The following ITPR1 variants were observed in gnomAD, a reference collection of about 807,000 sequenced individuals.
ITPR1 encodes the protein inositol 1,4,5-trisphosphate-gated calcium channel ITPR1.
In ITPR1, 96 loss-of-function variants were observed where a neutral mutation model predicts 318.4. The observed-to-expected ratio is 0.30, with a 90% CI of 0.26 to 0.36. The LOEUF (loss-of-function observed/expected upper bound fraction) is 0.36. ITPR1 is among the 10% of genes least tolerant of loss of function. The probability of loss-of-function intolerance (pLI) is 1.00; values close to 1 mark genes in which losing one functional copy is unlikely to be tolerated. For missense variants in ITPR1, 2,440 were observed against 3,460.2 expected, an observed-to-expected ratio of 0.71 and a Z score of 7.40; for synonymous variants, 1,312 against 1,289.9, an observed-to-expected ratio of 1.02 and a Z score of -0.37.
At chr3:4,768,372 G>A (rs2045954489) in intron 45 of ITPR1, 139 bp from the exon 46 acceptor site, 7 of 982,186 alleles carry the variant, frequency 7.1e-6, no homozygotes, top group Non-Finnish European at 1.0e-5. Context: ...AGAGCAGATT[G>A]TGACTTCTTT....
intron 10 of ITPR1, among the ~76,000 whole-genome samples, chr3:4,650,710 G>A (rs549692017): frequency 6.6e-6 from 1 of 151,210 alleles, no homozygotes; most frequent in Non-Finnish European, 1.5e-5. Context: ...GAATCTATGG[G>A]TATGTGTCAA....
At chr3:4,532,133 C>A (rs2083464918) in intron 4 of ITPR1, among the ~76,000 whole-genome samples, 1 of 152,182 alleles carries the variant, frequency 6.6e-6, no homozygotes, top group Admixed American at 6.5e-5. Flanking sequence ...AGCCCTTCCC[C>A]CCTATTGCAT....
intron 5 of ITPR1, among the ~76,000 whole-genome samples, chr3:4,635,629 G>T (rs1246072509): frequency 6.6e-6 from 1 of 152,120 alleles, no homozygotes; most frequent in Non-Finnish European, 1.5e-5. Context: ...ACAGGCATGA[G>T]CCACTGCGCC....
intron 29 of ITPR1, among the ~76,000 whole-genome samples, 157 bp from the exon 30 acceptor site, chr3:4,684,912 G>T (rs1343422087): frequency 6.6e-6 from 1 of 152,220 alleles, no homozygotes; most frequent in Non-Finnish European, 1.5e-5. Flanking sequence ...GATTTGGCTT[G>T]ATGGAGTCAA....
intron 18 of ITPR1, among the ~76,000 whole-genome samples, chr3:4,669,102 G>A (rs1234609695): frequency 1.3e-5 from 2 of 152,182 alleles, no homozygotes; most frequent in African/African-American, 2.4e-5. Context: ...GCATTTTCTG[G>A]AGCCTGCTCA....
intron 52 of ITPR1, among the ~76,000 whole-genome samples, chr3:4,794,693 C>T (rs748400487): frequency 1.1e-4 from 16 of 152,148 alleles, no homozygotes; most frequent in South Asian, 6.2e-4. Flanking sequence ...CTCCGGGCAT[C>T]TCATCTGGTC....
intron 59 of ITPR1, among the ~76,000 whole-genome samples, 153 bp downstream of exon 59, chr3:4,815,371 C>T (rs1220325731): frequency 6.6e-6 from 1 of 152,120 alleles, no homozygotes; most frequent in Non-Finnish European, 1.5e-5. Context: ...TACCCTCTGC[C>T]GTGAGTGAGG....
At chr3:4,807,450 A>G (rs887950078) in intron 55 of ITPR1, among the ~76,000 whole-genome samples, 1 of 152,180 alleles carries the variant, frequency 6.6e-6, no homozygotes, top group East Asian at 1.9e-4. Context: ...TTCCTCATCT[A>G]CAAAATGAGA....
In ITPR1 at chr3:4,702,948, T is replaced by G. The variant is rs1252955044; in HGVS notation, c.4655T>G (p.Val1552Gly). Residue 1552 changes from valine to glycine, a missense_variant and splice_region_variant, in exon 36 of 62, where the codon GTA becomes GGA. Physicochemically the swap from Val to Gly is moderately radical, Grantham distance 109 (BLOSUM62 -3). Transcript: ENST00000649015. ...AGCTGTATTCGGGTGCTGTCTGATG[T>G]AGGTAAGATACCAAGTCAGTTTGGA... The part of the protein sequence containing the change: ...VESCIRVLSD[V>G]AKSRAIAIPV... 5 of 1,613,642 alleles carry G rather than the reference T, an allele frequency of 3.1e-6. No homozygotes were observed. Among genetic ancestry groups the G allele is most frequent in the Non-Finnish European group, 4.2e-6 (5 of 1,179,632 alleles).
At chr3:4,839,573 A>T (rs2106549196) in intron 61 of ITPR1, among the ~76,000 whole-genome samples, 1 of 152,298 alleles carries the variant, frequency 6.6e-6, no homozygotes, top group East Asian at 1.9e-4. Flanking sequence ...TTTTAAAAAA[A>T]AGCTTGAAGT....
intron 4 of ITPR1, among the ~76,000 whole-genome samples, chr3:4,524,127 A>T (rs553782419): frequency 6.6e-6 from 1 of 152,266 alleles, no homozygotes; most frequent in Non-Finnish European, 1.5e-5. Context: ...GACTTCCTTA[A>T]TTCCATGTGC....
intron 4 of ITPR1, among the ~76,000 whole-genome samples, chr3:4,545,531 A>T (rs1243313508): frequency 6.6e-6 from 1 of 151,112 alleles, no homozygotes; most frequent in Admixed American, 6.6e-5. Flanking sequence ...GCTGAGGTGT[A>T]AGGATCTCTG....
At chr3:4,638,832 A>G (rs971713674) in intron 5 of ITPR1, among the ~76,000 whole-genome samples, 1 of 146,022 alleles carries the variant, frequency 6.8e-6, no homozygotes, top group African/African-American at 2.8e-5. Context: ...AAGAATAGCT[A>G]ATAACTCCAT....
intron 60 of ITPR1, among the ~76,000 whole-genome samples, chr3:4,827,138 C>A (rs1205548092): frequency 6.6e-6 from 1 of 152,202 alleles, no homozygotes; most frequent in Non-Finnish European, 1.5e-5. Context: ...CTGATAAGCT[C>A]CAAAAGTACA....
At chr3:4,761,714 G>A (rs149597649) in intron 44 of ITPR1, among the ~76,000 whole-genome samples, 1,777 of 152,328 alleles carry the variant, frequency 0.012, 19 homozygotes, top group Non-Finnish European at 0.021. Flanking sequence ...GAGGGAGAGA[G>A]GGAGGCAGTG....
intron 44 of ITPR1, chr3:4,749,746 A>G (rs2044365288): frequency 6.6e-6 from 1 of 152,648 alleles, no homozygotes; most frequent in African/African-American, 2.4e-5. Flanking sequence ...TGTTTTTAAA[A>G]GAGTTTTGTA....
intron 52 of ITPR1, among the ~76,000 whole-genome samples, chr3:4,791,279 A>G (rs2125410176): frequency 6.6e-6 from 1 of 152,314 alleles, no homozygotes; most frequent in South Asian, 2.1e-4. Flanking sequence ...AACGTGCTGT[A>G]AGGCAGCGGT....
chr3:4,810,797 A>T (rs1198482810), intron 55 of ITPR1, among the ~76,000 whole-genome samples: 4 of 152,186 alleles, frequency 2.6e-5, no homozygotes. Flanking sequence ...TTGAATTTAC[A>T]TCTAAGTCCA....
intron 2 of ITPR1, among the ~76,000 whole-genome samples, chr3:4,503,580 G>A (rs55647430): frequency 0.22 from 32,651 of 151,842 alleles, 4,020 homozygotes; most frequent in Admixed American, 0.32. Context: ...ATTTGGTATC[G>A]TCTGGAGATA....
Sources: gnomAD v4.1 joint callset for allele counts (sites outside exome capture counted in the v4.1 genomes callset) on GRCh38, gnomAD v4.1.1 for gene constraint, MANE v1.5 for transcripts, NCBI Gene and HGNC (gene_info 2026-07-23, HGNC 2026-07-21) for gene names.